STAMBP: variants seen among roughly 807,000 people sequenced by gnomAD.
STAMBP encodes the protein STAM-binding protein.
A neutral mutation model predicts 50.7 loss-of-function variants in STAMBP; 31 were observed. The ratio of observed to expected loss-of-function variants is 0.61; its 90% CI spans 0.46 to 0.83. The LOEUF (loss-of-function observed/expected upper bound fraction) is 0.83, where lower values mean the gene tolerates loss of function less well. Ranked by LOEUF, STAMBP falls within the 40% of genes least tolerant of loss-of-function variation. STAMBP has a pLI of 0.00. For missense variants in STAMBP, 472 were observed against 518.9 expected (o/e 0.91, Z 0.88); for synonymous variants, 211 against 192.4 (o/e 1.10, Z -0.80).
chr2:73,858,574 G>A (rs1480316540), intron 7 of STAMBP, among the ~76,000 whole-genome samples: 2 of 152,080 alleles, frequency 1.3e-5, no homozygotes, highest in East Asian at 3.9e-4. Flanking sequence ...TTTGTGGTGA[G>A]AACACTTGAA....
Position 73,864,320 on chromosome 2 carries a change from A to G in STAMBP, c.*2061A>G, listed in dbSNP as rs1309056534. 1 of 152,216 alleles carries G rather than the reference A, an allele frequency of 6.6e-6. No individual in the cohort carries two copies. The highest frequency in any genetic ancestry group is 2.1e-4 in the South Asian group (1 of 4,834). 9.4% of individuals were successfully genotyped at this position (152,216 alleles called of 1,614,324 possible). A position where few individuals can be genotyped will look rare whatever the true frequency, so the allele number is the denominator to read the frequency against. ...ATCACAGACTGATCACCAAACTGCT[A>G]TATTTTCTTTTCTCTTCCTCTAGGC... is the stretch of plus-strand genomic sequence containing the variant. On this transcript the variant is annotated 3_prime_UTR_variant, in exon 10 of 10. Coordinates refer to ENST00000394070, the MANE Select transcript of STAMBP (RefSeq NM_213622.4).
intron 1 of STAMBP, 41 bp from the exon 2 acceptor site, chr2:73,830,804 G>A (rs753554812): frequency 6.6e-7 from 1 of 1,514,320 alleles, no homozygotes. Flanking sequence ...CTGGGATGAT[G>A]AGGGCAACGG....
chr2:73,855,298 T>C (rs373405516), intron 7 of STAMBP, among the ~76,000 whole-genome samples: 5 of 152,320 alleles, frequency 3.3e-5, no homozygotes, highest in African/African-American at 1.2e-4. Context: ...TTCGGTATAT[T>C]GTTTTCTCTT....
intron 10 of STAMBP, among the ~76,000 whole-genome samples, chr2:73,873,043 T>C (rs1013024926): frequency 1.3e-5 from 2 of 152,198 alleles, no homozygotes; most frequent in African/African-American, 4.8e-5. Context: ...ATATGGTAAA[T>C]GTAATTCTAC....
At chr2:73,834,209 TAAAAAAAAAAAAAA>T (rs1171586160) in intron 2 of STAMBP, among the ~76,000 whole-genome samples, 170 of 8,530 alleles carry the variant, frequency 0.02, no homozygotes, top group Non-Finnish European at 0.026. Context: ...GATCATGTCT[TAAAAAAAAAAAAAA>T]AAAAAAAAAA....
intron 5 of STAMBP, among the ~76,000 whole-genome samples, chr2:73,848,437 CT>C (rs1349052468): frequency 6.6e-6 from 1 of 152,128 alleles, no homozygotes; most frequent in Non-Finnish European, 1.5e-5. Flanking sequence ...CAGTGTATTT[CT>C]TTTAAAGTCA....
At chr2:73,842,178 TAATGTCGTTTTGTCC>T (rs1238730000) in intron 2 of STAMBP, among the ~76,000 whole-genome samples, 1 of 152,204 alleles carries the variant, frequency 6.6e-6, no homozygotes, top group Admixed American at 6.5e-5. Flanking sequence ...GGTTGTCAAA[TAATGTCGTTTTGTCC>T]AATGTCGTTT....
At chr2:73,871,412 G>T (rs1679193276), downstream of STAMBP, among the ~76,000 whole-genome samples, 1 of 151,972 alleles carries the variant, frequency 6.6e-6, no homozygotes, top group Admixed American at 6.6e-5. Context: ...GCCAGGCGTG[G>T]TGGTGGGTGC....
intron 7 of STAMBP, among the ~76,000 whole-genome samples, chr2:73,858,547 A>G (rs890923584): frequency 1.3e-5 from 2 of 152,164 alleles, no homozygotes; most frequent in Non-Finnish European, 1.5e-5. Context: ...TAGCATATGC[A>G]TTATGTCACA....
rs1678587864 is a variant in STAMBP at position 73,863,595 on chromosome 2, C to T, written c.*1336C>T. On this transcript the variant is annotated 3_prime_UTR_variant, in exon 10 of 10. Coordinates refer to ENST00000394070, the MANE Select transcript of STAMBP (RefSeq NM_213622.4). ...TTTCTTCTCTTGGGTTCTTAATTCC[C>T]CATATAGTGGAAATTCCTTCTTTGC... 1 of 152,172 alleles carries T rather than the reference C, an allele frequency of 6.6e-6. No individual in the cohort carries two copies. Among genetic ancestry groups the T allele is most frequent in the Non-Finnish European group, 1.5e-5 (1 of 68,078 alleles). 9.4% of individuals were successfully genotyped at this position (152,172 alleles called of 1,614,324 possible).
rs1676662214 is a variant in STAMBP, at chr2:73,850,394, A to G, written c.886A>G (p.Ile296Val). 4 of 1,611,794 alleles carry G rather than the reference A, an allele frequency of 2.5e-6. No individual in the cohort carries two copies. The highest frequency in any genetic ancestry group is 2.5e-6 in the Non-Finnish European group (3 of 1,179,162). ...CGKLMRNEFT[I>V]THVLIPKQSA... is the part of the protein sequence containing the mutation. ...TTGGCAGATGAGGAATGAATTTACC[A>G]TTACCCATGTTCTCATCCCCAAGCA... Residue 296 changes from isoleucine to valine, a missense_variant, in exon 7 of 10, where the codon ATT becomes GTT. By Grantham distance (29) the Ile-to-Val change is conservative (BLOSUM62 3). Transcript: ENST00000394070. The surrounding 1 kb of genome is among the most constrained non-coding windows in gnomAD (Gnocchi z 4.3).
chr2:73,844,056 G>GACAGGTT (rs1675768818), intron 2 of STAMBP, among the ~76,000 whole-genome samples: 1 of 152,166 alleles, frequency 6.6e-6, no homozygotes, highest in Admixed American at 6.5e-5. Context: ...TTCTTTCTGT[G>GACAGGTT]ACAGGTTACT....
Position 73,847,596 on chromosome 2 carries a change from G to A in STAMBP, c.585G>A (p.Pro195=), listed in dbSNP as rs756961108. The A allele has an allele frequency of 3.5e-5, 56 of 1,614,040 alleles. No individual in the cohort carries two copies. The highest frequency in any genetic ancestry group is 4.6e-5 in the Non-Finnish European group (54 of 1,180,026). The change falls in exon 5 of 10, where the codon CCG becomes CCA. Residue 195 remains proline, a synonymous_variant. Coordinates refer to ENST00000394070, the MANE Select transcript of STAMBP (RefSeq NM_213622.4). ...FGKVDPGLGG[P]LVPDLEKPSL... ...AGGTAGACCCTGGCCTAGGTGGCCC[G>A]CTAGTGCCTGACTTGGAGAAGCCCT...
Position 73,866,651 on chromosome 2 carries a change from T to C in STAMBP, c.*4392T>C, listed in dbSNP as rs185676164. Reference sequence around the variant, plus strand: ...TCAGCATCATATGCTGGGCCTGTGCTGCACTTGAGCTTTCTTTCCAGCCGC... The same window carrying C: ...TCAGCATCATATGCTGGGCCTGTGCCGCACTTGAGCTTTCTTTCCAGCCGC... On this transcript the variant is annotated 3_prime_UTR_variant, in exon 10 of 10. Coordinates refer to ENST00000394070, the MANE Select transcript of STAMBP (RefSeq NM_213622.4). 6 of 152,266 alleles carry C rather than the reference T, an allele frequency of 3.9e-5. No individual in the cohort carries two copies. The highest frequency in any genetic ancestry group is 1.4e-4 in the African/African-American group (6 of 41,452). 9.4% of individuals were successfully genotyped at this position (152,266 alleles called of 1,614,324 possible). A position where few individuals can be genotyped will look rare whatever the true frequency, so the allele number is the denominator to read the frequency against.
intron 7 of STAMBP, among the ~76,000 whole-genome samples, chr2:73,858,136 C>T (rs1278298774): frequency 6.6e-6 from 1 of 151,186 alleles, no homozygotes; most frequent in East Asian, 1.9e-4. Flanking sequence ...GCGCGTGCCA[C>T]CACGCCTGGC....
Position 73,847,568 on chromosome 2 carries a change from G to A in STAMBP, c.557G>A (p.Gly186Glu), listed in dbSNP as rs1044244423. The stretch of plus-strand genomic sequence containing the variant: ...CGACTGAAAATTGTACAGGAGTTTG[G>A]GAAGGTAGACCCTGGCCTAGGTGGC... ...KERLKIVQEF[G>E]KVDPGLGGPL... is the part of the protein sequence containing the mutation. The change falls in exon 5 of 10, where the codon GGG (glycine) becomes GAG (glutamate). Residue 186 changes from glycine (G) to glutamate (E), a missense_variant. Transcript: ENST00000394070. 3.7e-6 allele frequency: 6 copies of A among 1,614,162 alleles called. No homozygotes were observed. Among genetic ancestry groups the A allele is most frequent in the Admixed American group, 1.7e-5 (1 of 60,024 alleles).
intron 4 of STAMBP, 97 bp downstream of exon 4, chr2:73,845,359 G>A (rs1192208380): frequency 1.2e-6 from 1 of 862,528 alleles, no homozygotes; most frequent in Non-Finnish European, 1.8e-6. Context: ...TGCTTTTAAT[G>A]TGCTGTTTCA....
chr2:73,847,291 T>C, intron 4 of STAMBP, 96 bp from the exon 5 acceptor site: 1 of 1,450,680 alleles, frequency 6.9e-7, no homozygotes, highest in South Asian at 1.4e-5. Flanking sequence ...ACAGCAGAAG[T>C]ACATTTTGGA....
chr2:73,852,254 ATGACTCAGAGTCAATGG>A (rs1454134958), intron 7 of STAMBP, among the ~76,000 whole-genome samples: 2 of 152,102 alleles, frequency 1.3e-5, no homozygotes, highest in African/African-American at 4.8e-5. Flanking sequence ...ATAGAGGATG[ATGACTCAGAGTCAATGG>A]TGACTCAGAG....
Sources: allele counts gnomAD v4.1 joint callset (sites outside exome capture counted in the v4.1 genomes callset), GRCh38; gene constraint gnomAD v4.1.1; non-coding constraint Gnocchi (gnomAD v3.1); transcripts MANE v1.5; gene names NCBI Gene and HGNC (gene_info 2026-07-23, HGNC 2026-07-21).